TMCO4: variants seen among roughly 807,000 people sequenced by gnomAD.
The protein encoded by TMCO4 is transmembrane and coiled-coil domains 4.
Under a neutral mutation model 64.7 loss-of-function variants are expected in TMCO4, and 58 were observed. That is an observed-to-expected ratio of 0.90 (90% CI 0.73 to 1.12). TMCO4 has a LOEUF of 1.12. Ranked by LOEUF, TMCO4 falls within the 50% of genes most tolerant of loss-of-function variation. The probability of loss-of-function intolerance (pLI) is 0.00; values close to 1 mark genes in which losing one functional copy is unlikely to be tolerated. For synonymous variants in TMCO4, 325 were observed against 346.1 expected, an observed-to-expected ratio of 0.94 and a Z score of 0.68; for missense variants, 780 against 825.9, an observed-to-expected ratio of 0.94 and a Z score of 0.68.
chr1:19,725,807 G>A (rs1374019160), intron 13 of TMCO4, among the ~76,000 whole-genome samples: 2 of 152,234 alleles, frequency 1.3e-5, no homozygotes, highest in African/African-American at 4.8e-5. Context: ...GGCTGTGTGT[G>A]TGTGCCAGCC....
chr1:19,695,833 G>A (rs2100581888), intron 14 of TMCO4, among the ~76,000 whole-genome samples: 1 of 152,288 alleles, frequency 6.6e-6, no homozygotes, highest in East Asian at 1.9e-4. Flanking sequence ...CCCGAAGTGA[G>A]ATCATCCGTC....
intron 6 of TMCO4, among the ~76,000 whole-genome samples, chr1:19,764,054 G>C (rs1379931812): frequency 6.6e-6 from 1 of 152,218 alleles, no homozygotes; most frequent in African/African-American, 2.4e-5. Flanking sequence ...TTGCTTCTGA[G>C]ACCCTCCCAT....
chr1:19,762,555 C>A (rs1160706821), intron 6 of TMCO4, among the ~76,000 whole-genome samples: 2 of 152,232 alleles, frequency 1.3e-5, no homozygotes, highest in Non-Finnish European at 2.9e-5. Context: ...CTCCTTCGCC[C>A]ACCAGCATTT....
chr1:19,747,218 T>G lies in TMCO4; in HGVS notation c.558A>C (p.Lys186Asn). The G allele has an allele frequency of 6.2e-7, 1 of 1,614,000 alleles. No individual in the cohort carries two copies. Among genetic ancestry groups the G allele is most frequent in the South Asian group, 1.1e-5 (1 of 91,076 alleles). Reference sequence around the variant, plus strand: ...GGCCTATCAGGAGATAACGCTTCCATTTCCTCCGGTTTTCTTTCTTCTTTC... The same window carrying G: ...GGCCTATCAGGAGATAACGCTTCCAGTTCCTCCGGTTTTCTTTCTTCTTTC... ...ASRKKKENRR[K>N]WKRYLLIGLA... is the part of the protein sequence containing the mutation. The change falls in exon 8 of 16, where the codon AAA becomes AAC. Residue 186 changes from lysine (K) to asparagine (N), a missense_variant. Transcript: ENST00000294543.
chr1:19,700,966 G>A, intron 13 of TMCO4, 81 bp from the exon 14 acceptor site: 5 of 1,098,086 alleles, frequency 4.6e-6, no homozygotes, highest in Non-Finnish European at 5.5e-6. Context: ...CAGTGGAGGA[G>A]ATGAATGTCA....
At chr1:19,687,172 G>A (rs565351403) in intron 15 of TMCO4, among the ~76,000 whole-genome samples, 6 of 152,166 alleles carry the variant, frequency 3.9e-5, no homozygotes, top group South Asian at 2.1e-4. Context: ...GGCTGGTCTC[G>A]GACTCCCAAC....
chr1:19,683,867 ATCT>A (rs2095125076), intron 15 of TMCO4, among the ~76,000 whole-genome samples: 2 of 137,524 alleles, frequency 1.5e-5, no homozygotes, highest in African/African-American at 5.6e-5. Flanking sequence ...GGTTCAAGTG[ATCT>A]TCTTGCCTCA....
At chr1:19,719,469 A>G (rs1370155336) in intron 13 of TMCO4, among the ~76,000 whole-genome samples, 3 of 152,172 alleles carry the variant, frequency 2.0e-5, no homozygotes, top group Non-Finnish European at 2.9e-5. Flanking sequence ...CCATAACAGT[A>G]ACAAAACAGT....
chr1:19,798,651 C>G (rs2044451959), intron 1 of TMCO4, among the ~76,000 whole-genome samples: 1 of 152,186 alleles, frequency 6.6e-6, no homozygotes, highest in Non-Finnish European at 1.5e-5. Flanking sequence ...GGCTTGAGGC[C>G]ACTCTAATAC....
At position 19,710,424 on chromosome 1, in the gene TMCO4, G is replaced by A. The variant is rs145745471; in HGVS notation, c.1265-9539C>T. On this transcript the variant is annotated intron_variant, in intron 13 of 15. Coordinates refer to ENST00000294543, the MANE Select transcript of TMCO4 (RefSeq NM_181719.7). ...GCTGGAATTCCATTTCTTAATCCTC[G>A]TCCTCCTCTTCCTCTTCTTTATCAT... is the stretch of plus-strand genomic sequence containing the variant. Among the ~76,000 whole-genome samples the A allele has an allele frequency of 1.5e-4, 23 of 152,002 alleles. No homozygotes were observed. The East Asian group carries it at 3.1e-3, about 20-fold the overall frequency.
chr1:19,758,487 C>T (rs1230393244), intron 6 of TMCO4, among the ~76,000 whole-genome samples: 1 of 152,228 alleles, frequency 6.6e-6, no homozygotes, highest in Admixed American at 6.5e-5. Flanking sequence ...CAGTGATTCA[C>T]CTTCCAGCAT....
chr1:19,754,570 C>T (rs780764886), intron 7 of TMCO4, among the ~76,000 whole-genome samples: 2 of 152,250 alleles, frequency 1.3e-5, no homozygotes, highest in Non-Finnish European at 1.5e-5. Flanking sequence ...AAGAACACCA[C>T]GGCAGCTAAA....
chr1:19,788,055 C>T (rs773982750), intron 2 of TMCO4, among the ~76,000 whole-genome samples: 13 of 152,140 alleles, frequency 8.5e-5, no homozygotes, highest in African/African-American at 1.2e-4. Context: ...CTGCACCCAG[C>T]CCTTAGTGCC....
chr1:19,742,041 G>C (rs931789534), intron 10 of TMCO4, among the ~76,000 whole-genome samples: 1 of 152,004 alleles, frequency 6.6e-6, no homozygotes, highest in African/African-American at 2.4e-5. Flanking sequence ...CCCGGCGAAA[G>C]TGACTTTTTC....
intron 15 of TMCO4, among the ~76,000 whole-genome samples, chr1:19,689,850 C>T (rs1169910241): frequency 6.6e-6 from 1 of 152,244 alleles, no homozygotes; most frequent in African/African-American, 2.4e-5. Flanking sequence ...CAGGAGGCAT[C>T]AGCTCTGAGC....
chr1:19,795,644 A>T (rs1477923627), intron 2 of TMCO4, among the ~76,000 whole-genome samples: 2 of 152,130 alleles, frequency 1.3e-5, no homozygotes, highest in African/African-American at 4.8e-5. Flanking sequence ...CCTTCCACAG[A>T]TGGGGACAGA....
intron 6 of TMCO4, among the ~76,000 whole-genome samples, chr1:19,769,581 T>C (rs917205289): frequency 3.3e-5 from 5 of 152,318 alleles, no homozygotes; most frequent in African/African-American, 9.6e-5. Context: ...ATTTCTTCTA[T>C]GTTGTGTTTC....
At chr1:19,685,677 T>TGGCA (rs2095141472) in intron 15 of TMCO4, among the ~76,000 whole-genome samples, 1 of 149,398 alleles carries the variant, frequency 6.7e-6, no homozygotes, top group Non-Finnish European at 1.5e-5. Context: ...AGCTAGAACT[T>TGGCA]GGCAGGGCTG....
At chr1:19,688,486 C>A (rs2095167306) in intron 15 of TMCO4, among the ~76,000 whole-genome samples, 1 of 152,182 alleles carries the variant, frequency 6.6e-6, no homozygotes, top group Admixed American at 6.5e-5. Context: ...CTTCTTGGAC[C>A]TCAATTTCCT....
Sources: gnomAD v4.1 joint callset for allele counts (sites outside exome capture counted in the v4.1 genomes callset) on GRCh38, gnomAD v4.1.1 for gene constraint, MANE v1.5 for transcripts, NCBI Gene and HGNC (gene_info 2026-07-23, HGNC 2026-07-21) for gene names.